CPNE5: variants seen among roughly 807,000 people sequenced by gnomAD.
CPNE5 encodes the protein copine 5.
CPNE5 carries 42 observed loss-of-function variants against 81.1 expected under a neutral mutation model. The ratio of observed to expected loss-of-function variants is 0.52; its 90% confidence interval spans 0.40 to 0.67. The LOEUF is 0.67. Among genes scored for constraint, CPNE5 ranks in the 30% least tolerant of loss-of-function variants. CPNE5 has a pLI of 0.00. For synonymous variants in CPNE5, 313 were observed against 321.5 expected (o/e 0.97, Z 0.28); for missense variants, 612 against 815.5 (o/e 0.75, Z 3.04).
intron 12 of CPNE5, among the ~76,000 whole-genome samples, chr6:36,758,699 G>A: frequency 6.6e-6 from 1 of 152,156 alleles, no homozygotes; most frequent in East Asian, 1.9e-4. Flanking sequence ...TTGGGCCCTG[G>A]GCGTGGCTAT....
rs1344747624 is a variant in CPNE5 at position 36,799,972 on chromosome 6, A to C, written c.282T>G (p.Phe94Leu). The change falls in exon 4 of 21, where the codon TTT becomes TTG. Residue 94 changes from phenylalanine to leucine, a missense_variant. Phe to Leu is a conservative substitution (Grantham distance 22). Transcript: ENST00000244751. ...YFFEEKQNLR[F>L]DLYDVDSKSP... Reference sequence around the variant, plus strand: ...CAGCACCATCTTCCACTTACAGATCAAAACGGAGGTTCTGCTTCTCCTCGA... The same window carrying C: ...CAGCACCATCTTCCACTTACAGATCCAAACGGAGGTTCTGCTTCTCCTCGA... 1 of 1,611,298 alleles carries C rather than the reference A, an allele frequency of 6.2e-7. No individual in the cohort carries two copies. The highest frequency in any genetic ancestry group is 2.2e-5 in the East Asian group (1 of 44,874).
At chr6:36,762,356 A>G (rs1331823287) in intron 12 of CPNE5, among the ~76,000 whole-genome samples, 1 of 151,970 alleles carries the variant, frequency 6.6e-6, no homozygotes, top group Non-Finnish European at 1.5e-5. Context: ...GCTCACACAC[A>G]CACACACACA....
chr6:36,753,788 C>T (rs976154991), intron 13 of CPNE5, among the ~76,000 whole-genome samples: 3 of 152,234 alleles, frequency 2.0e-5, no homozygotes, highest in Admixed American at 6.5e-5. Flanking sequence ...TACCTGGCAG[C>T]TCATTATCAT....
At chr6:36,836,937 G>A (rs1174606447) in intron 1 of CPNE5, among the ~76,000 whole-genome samples, 1 of 152,070 alleles carries the variant, frequency 6.6e-6, no homozygotes, top group African/African-American at 2.4e-5. Context: ...TGGAGAACAT[G>A]AGCAGGCCCC....
intron 4 of CPNE5, among the ~76,000 whole-genome samples, chr6:36,799,171 C>T (rs1373735455): frequency 6.6e-6 from 1 of 152,202 alleles, no homozygotes. Context: ...ACAGCCATGC[C>T]AGGCCCAGAT....
At chr6:36,815,023 T>A (rs1771418474) in intron 3 of CPNE5, among the ~76,000 whole-genome samples, 2 of 151,724 alleles carry the variant, frequency 1.3e-5, no homozygotes, top group Non-Finnish European at 2.9e-5. Context: ...TCGGGCGTGG[T>A]GGTGCACGCC....
At chr6:36,794,918 C>A (rs1008239404) in intron 6 of CPNE5, among the ~76,000 whole-genome samples, 2 of 152,160 alleles carry the variant, frequency 1.3e-5, no homozygotes, top group Admixed American at 6.5e-5. Context: ...CCAGGCCGAG[C>A]CCATACCCAC....
rs1763581719 is a variant in CPNE5 at position 36,741,445 on chromosome 6, T to TGGGG, written c.*822_*823insCCCC. 2.6e-5 allele frequency: 4 copies of TGGGG among 152,174 alleles called. No homozygotes were observed. The highest frequency in any genetic ancestry group is 1.5e-5 in the Non-Finnish European group (1 of 68,066). 9.4% of individuals were successfully genotyped at this position (152,174 alleles called of 1,614,324 possible). A position where few individuals can be genotyped will look rare whatever the true frequency, so the allele number is the denominator to read the frequency against. On this transcript the variant is annotated 3_prime_UTR_variant, in exon 21 of 21. Transcript: ENST00000244751. ...CAGGAGCAGTGTGGGAACGTGGGGC[T>TGGGG]GAGCCACTCCTTACTCAGGCCTCCA...
chr6:36,768,199 A>AGGCT (rs1363755470), intron 10 of CPNE5, among the ~76,000 whole-genome samples: 1 of 140,156 alleles, frequency 7.1e-6, no homozygotes, highest in Non-Finnish European at 1.5e-5. Context: ...AAGACAAATA[A>AGGCT]GGCTTTGACT....
At chr6:36,815,873 A>G (rs34135332) in intron 3 of CPNE5, among the ~76,000 whole-genome samples, 16,042 of 152,238 alleles carry the variant, frequency 0.11, 1,075 homozygotes, top group East Asian at 0.29. Flanking sequence ...GTATGGGGCG[A>G]TCTGCTGGAC....
At chr6:36,828,325 A>AG (rs1277777924) in intron 1 of CPNE5, among the ~76,000 whole-genome samples, 8 of 151,660 alleles carry the variant, frequency 5.3e-5, no homozygotes, top group Admixed American at 1.3e-4. Flanking sequence ...AAAAAAAAAA[A>AG]AAAAGAAAGG....
intron 16 of CPNE5, 36 bp from the exon 17 acceptor site, chr6:36,745,551 AG>A: frequency 6.3e-7 from 1 of 1,578,116 alleles, no homozygotes; most frequent in East Asian, 2.3e-5. Context: ...GAGCCCAGGA[AG>A]GAAGGACAGG....
chr6:36,753,808 G>A (rs137966148), intron 13 of CPNE5, among the ~76,000 whole-genome samples: 4 of 152,338 alleles, frequency 2.6e-5, no homozygotes, highest in African/African-American at 9.6e-5. Context: ...TAACAATTTA[G>A]AATCAAGGAG....
At position 36,746,367 on chromosome 6, in the gene CPNE5, T is replaced by C; in HGVS notation, c.1200+29A>G. 1 of 1,510,234 alleles carries C rather than the reference T, an allele frequency of 6.6e-7. No individual in the cohort carries two copies. The highest frequency in any genetic ancestry group is 9.0e-7 in the Non-Finnish European group (1 of 1,116,332). 93.6% of individuals were successfully genotyped at this position (1,510,234 alleles called of 1,614,324 possible). A position where few individuals can be genotyped will look rare whatever the true frequency, so the allele number is the denominator to read the frequency against. On this transcript the variant is annotated intron_variant, in intron 16 of 20. Coordinates refer to ENST00000244751, the MANE Select transcript of CPNE5 (RefSeq NM_020939.2). This position sits in a 1 kb window ranked among gnomAD's most constrained non-coding sequence, Gnocchi z 4.5. Reference sequence around the variant, plus strand: ...GTCACCTCACCCCCAGCCTGATCAGTCCTCTCTCCCACCAGCGGGACCACC... The same window carrying C: ...GTCACCTCACCCCCAGCCTGATCAGCCCTCTCTCCCACCAGCGGGACCACC...
intron 3 of CPNE5, among the ~76,000 whole-genome samples, chr6:36,820,127 C>T (rs1378908101): frequency 6.6e-6 from 1 of 152,168 alleles, no homozygotes; most frequent in Non-Finnish European, 1.5e-5. Flanking sequence ...AGGGATCGCT[C>T]CTTTTGTTGT....
Position 36,748,204 on chromosome 6 carries a change from C to T in CPNE5, c.1018+17G>A, listed in dbSNP as rs1764399850. 6.2e-7 allele frequency: 1 copy of T among 1,613,294 alleles called. No homozygotes were observed. Among genetic ancestry groups the T allele is most frequent in the Non-Finnish European group, 8.5e-7 (1 of 1,179,194 alleles). ...TCTCTCCTCCCACCCTGCTCCTCTA[C>T]CCATCCCCCAACTCACCATTGGAGG... On this transcript the variant is annotated intron_variant, in intron 15 of 20. Transcript: ENST00000244751.
At chr6:36,791,429 T>C (rs1769081486) in intron 8 of CPNE5, among the ~76,000 whole-genome samples, 1 of 152,160 alleles carries the variant, frequency 6.6e-6, no homozygotes, top group Non-Finnish European at 1.5e-5. Flanking sequence ...TTATGATACT[T>C]TATCATTATT....
intron 2 of CPNE5, among the ~76,000 whole-genome samples, 192 bp downstream of exon 2, chr6:36,822,866 C>A (rs1454803931): frequency 6.6e-6 from 1 of 152,172 alleles, no homozygotes; most frequent in Non-Finnish European, 1.5e-5. Context: ...CACAAGCGTG[C>A]AGGCTGGGAA....
At chr6:36,791,882 C>A in intron 8 of CPNE5, 151 bp downstream of exon 8, 1 of 693,686 alleles carries the variant, frequency 1.4e-6, no homozygotes, top group South Asian at 1.6e-5. Context: ...AAAACACCCA[C>A]TAGCTCTGAT....
Sources: gnomAD v4.1 joint callset for allele counts (sites outside exome capture counted in the v4.1 genomes callset) on GRCh38, gnomAD v4.1.1 for gene constraint, Gnocchi (gnomAD v3.1) non-coding constraint, MANE v1.5 for transcripts, NCBI Gene and HGNC (gene_info 2026-07-23, HGNC 2026-07-21) for gene names.